Variants in SH3PXD2A observed in about 807,000 individuals in gnomAD.
SH3PXD2A encodes SH3 and PX domain-containing protein 2A.
SH3PXD2A carries 32 observed loss-of-function variants against 115.2 expected under a neutral mutation model. That is an observed-to-expected ratio of 0.28 (90% CI 0.21 to 0.37). The LOEUF (loss-of-function observed/expected upper bound fraction) is 0.37, where lower values mean the gene tolerates loss of function less well. Among genes scored for constraint, SH3PXD2A ranks in the 10% least tolerant of loss-of-function variants. The probability of loss-of-function intolerance (pLI) is 1.00; values close to 1 mark genes in which losing one functional copy is unlikely to be tolerated. For missense variants in SH3PXD2A, 1,328 were observed against 1,498.7 expected, an observed-to-expected ratio of 0.89 and a Z score of 1.88; for synonymous variants, 610 against 629.1, an observed-to-expected ratio of 0.97 and a Z score of 0.45.
chr10:103,601,616 G>T lies in SH3PXD2A; in HGVS notation c.*200C>A. ...GTCCATTCCCTTCCTCACTCAGTGT[G>T]GGCACCCCCATCCCCTACCTTCCAG... On this transcript the variant is annotated 3_prime_UTR_variant, in exon 15 of 15. Transcript: ENST00000369774. 1.8e-6 allele frequency: 1 copy of T among 549,458 alleles called. No individual in the cohort carries two copies. Among genetic ancestry groups the T allele is most frequent in the Non-Finnish European group, 3.3e-6 (1 of 307,606 alleles). The allele number at this position is 549,458 out of a possible 1,614,324, so 34.0% of individuals were successfully genotyped here.
At chr10:103,757,843 G>A (rs1365329788) in intron 3 of SH3PXD2A, among the ~76,000 whole-genome samples, 1 of 152,188 alleles carries the variant, frequency 6.6e-6, no homozygotes, top group Admixed American at 6.5e-5. Flanking sequence ...ACCACAGGCC[G>A]GGAAAGAACT....
intron 8 of SH3PXD2A, among the ~76,000 whole-genome samples, chr10:103,642,525 A>G (rs1164703479): frequency 6.6e-6 from 1 of 152,216 alleles, no homozygotes; most frequent in African/African-American, 2.4e-5. Context: ...TTAGGAAGCC[A>G]ACGTCAGACT....
intron 7 of SH3PXD2A, among the ~76,000 whole-genome samples, chr10:103,667,732 C>G (rs921783721): frequency 1.3e-5 from 2 of 152,230 alleles, no homozygotes; most frequent in African/African-American, 4.8e-5. Context: ...TTCCCCCAGC[C>G]TGAACCTCTG....
intron 4 of SH3PXD2A, among the ~76,000 whole-genome samples, chr10:103,732,513 CT>C (rs1212586936): frequency 1.3e-5 from 2 of 152,216 alleles, no homozygotes; most frequent in African/African-American, 4.8e-5. Context: ...AAAATTAACA[CT>C]GATATTGGGC....
In SH3PXD2A at chr10:103,665,362, AC is replaced by A. The variant is rs1464472124; in HGVS notation, c.472+3245del. 2.6e-5 allele frequency among the ~76,000 whole-genome samples: 4 copies of A among 151,796 alleles called. No homozygotes were observed. Among genetic ancestry groups the A allele is most frequent in the Non-Finnish European group, 1.5e-5 (1 of 67,938 alleles). On this transcript the variant is annotated intron_variant, in intron 7 of 14. Coordinates refer to ENST00000369774, the MANE Select transcript of SH3PXD2A (RefSeq NM_001394015.1). This position sits in a 1 kb window ranked among gnomAD's most constrained non-coding sequence, Gnocchi z 4.0. The stretch of plus-strand genomic sequence containing the variant: ...AGCAGAGTTAAATCCACACCCCCAC[AC>A]CCCTTCCCCCCACCACTTTCCTGGA...
In SH3PXD2A at chr10:103,627,734, G is replaced by A. The variant is rs968525036; in HGVS notation, c.605-532C>T. The stretch of plus-strand genomic sequence containing the variant: ...CTTTAAGTGTGTTCACGTTTCAGTC[G>A]CGGTAAGTGGGCACTGCATCCTCAG... On this transcript the variant is annotated intron_variant, in intron 8 of 14. Transcript: ENST00000369774. The surrounding 1 kb of genome is among the most constrained non-coding windows in gnomAD (Gnocchi z 4.4). Among the ~76,000 whole-genome samples the A allele has an allele frequency of 6.6e-6, 1 of 152,160 alleles. No homozygotes were observed. Among genetic ancestry groups the A allele is most frequent in the Non-Finnish European group, 1.5e-5 (1 of 68,036 alleles).
Position 103,602,450 on chromosome 10 carries a change from G to A in SH3PXD2A, c.2768C>T (p.Ser923Leu). The A allele has an allele frequency of 6.2e-7, 1 of 1,614,150 alleles. No homozygotes were observed. Among genetic ancestry groups the A allele is most frequent in the Non-Finnish European group, 8.5e-7 (1 of 1,180,020 alleles). ...PAKGRQNEGK[S>L]DSLEKIERRV... ...CCTCTCGATCTTCTCCAGGCTGTCTGATTTGCCTTCGTTCTGCCTGCCCTT... is the reference window on the plus strand; with the variant it reads ...CCTCTCGATCTTCTCCAGGCTGTCTAATTTGCCTTCGTTCTGCCTGCCCTT... The change falls in exon 15 of 15, where the codon TCA (serine) becomes TTA (leucine). Residue 923 changes from serine to leucine, a missense_variant. Transcript: ENST00000369774.
intron 1 of SH3PXD2A, among the ~76,000 whole-genome samples, chr10:103,816,515 G>A (rs1349083748): frequency 1.3e-5 from 2 of 152,180 alleles, no homozygotes; most frequent in Non-Finnish European, 2.9e-5. Context: ...AAGTGATGGT[G>A]AGGATGTAGA....
At chr10:103,699,855 G>A (rs758422030) in intron 5 of SH3PXD2A, among the ~76,000 whole-genome samples, 51 of 152,340 alleles carry the variant, frequency 3.3e-4, no homozygotes, top group Non-Finnish European at 1.5e-4. Flanking sequence ...ACCCCATTGT[G>A]ACCATGTGGC....
At chr10:103,610,277 C>T (rs1201054154) in intron 13 of SH3PXD2A, among the ~76,000 whole-genome samples, 1 of 152,260 alleles carries the variant, frequency 6.6e-6, no homozygotes, top group Non-Finnish European at 1.5e-5. Flanking sequence ...GGCCACATCT[C>T]TGGCCAGGTG....
rs2036185821 is a variant in SH3PXD2A at position 103,599,484 on chromosome 10, A to G, written c.*2332T>C. On this transcript the variant is annotated 3_prime_UTR_variant, in exon 15 of 15. Transcript: ENST00000369774. ...GGCTGCAGGGCCCTCCCCCTGGAAGATAGCTACATTGAAGGTTCTTTACCT... is the reference window on the plus strand; with the variant it reads ...GGCTGCAGGGCCCTCCCCCTGGAAGGTAGCTACATTGAAGGTTCTTTACCT... The G allele has an allele frequency of 6.6e-6, 1 of 152,650 alleles. No individual in the cohort carries two copies. The highest frequency in any genetic ancestry group is 2.4e-5 in the African/African-American group (1 of 41,456). 9.5% of individuals were successfully genotyped at this position (152,650 alleles called of 1,614,324 possible).
At chr10:103,681,793 C>T (rs1235749260) in intron 6 of SH3PXD2A, among the ~76,000 whole-genome samples, 3 of 152,242 alleles carry the variant, frequency 2.0e-5, no homozygotes, top group African/African-American at 4.8e-5. Context: ...AAATGCAGAT[C>T]GGCCAGATGC....
chr10:103,688,760 A>G (rs938465969), intron 6 of SH3PXD2A, among the ~76,000 whole-genome samples: 20 of 152,306 alleles, frequency 1.3e-4, no homozygotes, highest in African/African-American at 4.6e-4. Context: ...TCTGTGAGCC[A>G]GGGTAGGGAA....
At chr10:103,853,093 C>T (rs1347254205) in intron 1 of SH3PXD2A, among the ~76,000 whole-genome samples, 1 of 152,180 alleles carries the variant, frequency 6.6e-6, no homozygotes, top group Non-Finnish European at 1.5e-5. Context: ...TGTTCAGTGA[C>T]ATCACTCCCT....
At chr10:103,806,210 AC>A (rs1428359890) in intron 1 of SH3PXD2A, among the ~76,000 whole-genome samples, 1 of 151,638 alleles carries the variant, frequency 6.6e-6, no homozygotes, top group Non-Finnish European at 1.5e-5. Context: ...CCCCCAGCCT[AC>A]CCCCCTGGAC....
At position 103,848,037 on chromosome 10, in the gene SH3PXD2A, C is replaced by T. The variant is rs185875023; in HGVS notation, c.72+7158G>A. 5.7e-4 allele frequency among the ~76,000 whole-genome samples: 86 copies of T among 152,212 alleles called. 2 individuals carry two copies. The East Asian group carries it at 0.015, about 26-fold the overall frequency. ...CAGAAGACACAGACATGCTGGGCTC[C>T]CCTCAGACTGTGAGGTATTGGCCCC... On this transcript the variant is annotated intron_variant, in intron 1 of 14. Transcript: ENST00000369774.
chr10:103,605,928 G>A lies in SH3PXD2A; in HGVS notation c.1309-11C>T. 1 of 1,613,568 alleles carries A rather than the reference G, an allele frequency of 6.2e-7. No individual in the cohort carries two copies. Among genetic ancestry groups the A allele is most frequent in the Non-Finnish European group, 8.5e-7 (1 of 1,179,640 alleles). Reference sequence around the variant, plus strand: ...TGGCAGTTGGAACCCCTAAGGTTAAGGAACACACAGTGGGCAAAACCCGCC... The same window carrying A: ...TGGCAGTTGGAACCCCTAAGGTTAAAGAACACACAGTGGGCAAAACCCGCC... On this transcript the variant is annotated splice_polypyrimidine_tract_variant and intron_variant, in intron 13 of 14. Transcript: ENST00000369774.
intron 4 of SH3PXD2A, among the ~76,000 whole-genome samples, chr10:103,733,217 T>TC (rs2038343136): frequency 6.6e-6 from 1 of 152,060 alleles, no homozygotes; most frequent in Non-Finnish European, 1.5e-5. Context: ...CTTCAATGGC[T>TC]CCCCCAGCTA....
At chr10:103,837,819 A>T (rs2039560365) in intron 1 of SH3PXD2A, among the ~76,000 whole-genome samples, 1 of 152,156 alleles carries the variant, frequency 6.6e-6, no homozygotes, top group Non-Finnish European at 1.5e-5. Context: ...CCTGCAGAAG[A>T]CACCGTCACC....
Sources: gnomAD v4.1 joint callset for allele counts (sites outside exome capture counted in the v4.1 genomes callset) on GRCh38, gnomAD v4.1.1 for gene constraint, Gnocchi (gnomAD v3.1) non-coding constraint, MANE v1.5 for transcripts, NCBI Gene and HGNC (gene_info 2026-07-23, HGNC 2026-07-21) for gene names.